The following ZNG1E variants were observed in gnomAD, a reference collection of about 807,000 sequenced individuals.
ZNG1E encodes the protein Zn regulated GTPase metalloprotein activator 1E.
chr9:65,696,218 T>G, the ZNG1E span, among the ~76,000 whole-genome samples: 21 of 129,058 alleles, frequency 1.6e-4, no homozygotes, highest in African/African-American at 5.7e-4. Context: ...TTTGTATAGC[T>G]TTCCTATGGG....
the ZNG1E span, among the ~76,000 whole-genome samples, chr9:65,714,229 G>C: frequency 6.7e-6 from 1 of 148,918 alleles, no homozygotes; most frequent in East Asian, 1.9e-4. Context: ...GCACTTCTCT[G>C]TATTGGTTAT....
At chr9:65,710,758 C>G in the ZNG1E span, among the ~76,000 whole-genome samples, 2 of 149,348 alleles carry the variant, frequency 1.3e-5, no homozygotes. Flanking sequence ...GTTACTGTAG[C>G]CTTGTAGTAT....
At chr9:65,710,980 C>T in the ZNG1E span, among the ~76,000 whole-genome samples, 2 of 145,198 alleles carry the variant, frequency 1.4e-5, no homozygotes, top group Non-Finnish European at 3.0e-5. Flanking sequence ...ATTCTTCCTA[C>T]CCATGAGCAT....
chr9:65,691,246 T>C, the ZNG1E span, among the ~76,000 whole-genome samples: 120,032 of 144,044 alleles, frequency 0.83, 48,424 homozygotes, highest in South Asian at 0.92. Context: ...TCGTACCTGG[T>C]TAATTTTTGG....
At chr9:65,672,765 TAAAA>T in the ZNG1E span, among the ~76,000 whole-genome samples, 1 of 133,822 alleles carries the variant, frequency 7.5e-6, no homozygotes, top group Non-Finnish European at 1.6e-5. Flanking sequence ...GAAATAAAAA[TAAAA>T]AGTCATGCCC....
the ZNG1E span, among the ~76,000 whole-genome samples, chr9:65,656,824 T>C: frequency 6.6e-6 from 1 of 152,248 alleles, no homozygotes; most frequent in African/African-American, 2.4e-5. Flanking sequence ...CTGGGGTATC[T>C]GACCACTTCC....
chr9:65,715,073 G>A, the ZNG1E span, among the ~76,000 whole-genome samples: 663 of 149,340 alleles, frequency 4.4e-3, 49 homozygotes, highest in African/African-American at 0.016. Flanking sequence ...GGGACTCTCC[G>A]AGCCAGGTGT....
chr9:65,677,529 A>G, the ZNG1E span, among the ~76,000 whole-genome samples: 4 of 152,270 alleles, frequency 2.6e-5, no homozygotes, highest in African/African-American at 7.2e-5. Context: ...GTCTGTTACC[A>G]TTCCCCCAAA....
At chr9:65,715,500 G>T in the ZNG1E span, among the ~76,000 whole-genome samples, 38 of 147,666 alleles carry the variant, frequency 2.6e-4, 3 homozygotes, top group African/African-American at 8.6e-4. Context: ...AGAGAAGAAA[G>T]ATTAGTTATT....
chr9:65,677,607 G>A, the ZNG1E span, among the ~76,000 whole-genome samples: 1 of 152,276 alleles, frequency 6.6e-6, no homozygotes, highest in Non-Finnish European at 1.5e-5. Context: ...GAGTCTTGCT[G>A]CCCTTTAATT....
chr9:65,672,411 TCAATTTAA>T, the ZNG1E span, among the ~76,000 whole-genome samples: 5 of 151,950 alleles, frequency 3.3e-5, no homozygotes, highest in African/African-American at 7.2e-5. Context: ...AAAGGCATTT[TCAATTTAA>T]CAATTTAACA....
the ZNG1E span, among the ~76,000 whole-genome samples, chr9:65,660,741 A>G: frequency 6.6e-6 from 1 of 150,826 alleles, no homozygotes; most frequent in African/African-American, 2.4e-5. Context: ...TGATACTACA[A>G]CATCAATTTG....
At chr9:65,680,564 T>C in the ZNG1E span, among the ~76,000 whole-genome samples, 1 of 152,196 alleles carries the variant, frequency 6.6e-6, no homozygotes, top group Non-Finnish European at 1.5e-5. Flanking sequence ...AGCTCTTTAT[T>C]AATACCTAGC....
At chr9:65,714,372 C>T in the ZNG1E span, among the ~76,000 whole-genome samples, 59 of 151,740 alleles carry the variant, frequency 3.9e-4, 1 homozygote, top group African/African-American at 1.1e-3. Flanking sequence ...AGTCATTCTC[C>T]GTCCAGCTTT....
chr9:65,686,636 A>AAATG, the ZNG1E span, among the ~76,000 whole-genome samples: 4 of 152,112 alleles, frequency 2.6e-5, no homozygotes, highest in South Asian at 6.2e-4. Flanking sequence ...CTCCATCTCA[A>AAATG]AATAAATAAA....
At chr9:65,674,365 G>A in the ZNG1E span, among the ~76,000 whole-genome samples, 1 of 152,412 alleles carries the variant, frequency 6.6e-6, no homozygotes, top group East Asian at 1.9e-4. Context: ...AATACACACA[G>A]TATATTTTAT....
At chr9:65,684,997 G>A in the ZNG1E span, among the ~76,000 whole-genome samples, 2 of 146,084 alleles carry the variant, frequency 1.4e-5, no homozygotes, top group East Asian at 4.1e-4. Context: ...AGTCATGATT[G>A]CACCACTGCA....
chr9:65,706,960 T>A, the ZNG1E span: 2 of 131,422 alleles, frequency 1.5e-5, no homozygotes, highest in African/African-American at 6.4e-5. Flanking sequence ...GGAGGGAAAC[T>A]TCATTCATTT....
At chr9:65,681,010 G>A in the ZNG1E span, among the ~76,000 whole-genome samples, 3 of 152,124 alleles carry the variant, frequency 2.0e-5, no homozygotes, top group Non-Finnish European at 4.4e-5. Flanking sequence ...GGGTGGTCTC[G>A]ATCTCCTGAC....
Sources: gnomAD v4.1 joint callset for allele counts (sites outside exome capture counted in the v4.1 genomes callset) on GRCh38, gnomAD v4.1.1 for gene constraint, MANE v1.5 for transcripts, NCBI Gene and HGNC (gene_info 2026-07-23, HGNC 2026-07-21) for gene names.